EIF4G3: variants seen among roughly 807,000 people sequenced by gnomAD.
The protein encoded by EIF4G3 is eukaryotic translation initiation factor 4 gamma 3, also known as eIF-4-gamma 3.
Under a neutral mutation model 186.4 loss-of-function variants are expected in EIF4G3, and 34 were observed. That is an observed-to-expected ratio of 0.18 (90% CI 0.14 to 0.24). The LOEUF (loss-of-function observed/expected upper bound fraction) is 0.24, where lower values mean the gene tolerates loss of function less well. Ranked by LOEUF, EIF4G3 falls within the 10% of genes least tolerant of loss-of-function variation. EIF4G3 has a pLI of 1.00. For synonymous variants in EIF4G3, 673 were observed against 679.5 expected (o/e 0.99, Z 0.15); for missense variants, 1,536 against 1,948.5 (o/e 0.79, Z 3.99).
chr1:20,934,481 C>G (rs1480406156), intron 14 of EIF4G3, among the ~76,000 whole-genome samples: 2 of 151,786 alleles, frequency 1.3e-5, no homozygotes, highest in Non-Finnish European at 2.9e-5. Flanking sequence ...TCAATATAGC[C>G]AGGTTTGTAA....
At chr1:20,998,396 T>C (rs1318656928) in intron 6 of EIF4G3, among the ~76,000 whole-genome samples, 2 of 152,088 alleles carry the variant, frequency 1.3e-5, no homozygotes, top group African/African-American at 4.8e-5. Context: ...ATAAGTCAAA[T>C]CTCTTAATTA....
At chr1:20,908,106 T>C (rs1252926263) in intron 14 of EIF4G3, among the ~76,000 whole-genome samples, 1 of 152,238 alleles carries the variant, frequency 6.6e-6, no homozygotes, top group African/African-American at 2.4e-5. Context: ...TGAGATAGTA[T>C]CTCATTGTGG....
At chr1:20,851,564 C>T in intron 27 of EIF4G3, 86 bp from the exon 28 acceptor site, 1 of 1,296,582 alleles carries the variant, frequency 7.7e-7, no homozygotes, top group South Asian at 1.3e-5. Context: ...CTAAGACTTT[C>T]TGAAAGTATA....
At chr1:21,121,041 T>C (rs148098267) in intron 2 of EIF4G3, among the ~76,000 whole-genome samples, 182 of 152,170 alleles carry the variant, frequency 1.2e-3, no homozygotes, top group African/African-American at 4.2e-3. Context: ...CACCTCAGCC[T>C]CCAAGTAGGT....
chr1:20,893,946 T>C (rs912887287), intron 17 of EIF4G3, among the ~76,000 whole-genome samples: 1 of 150,088 alleles, frequency 6.7e-6, no homozygotes, highest in Non-Finnish European at 1.5e-5. Context: ...GACAAGATAT[T>C]TTGAGATCCT....
intron 4 of EIF4G3, among the ~76,000 whole-genome samples, chr1:21,034,524 TA>T (rs2093017553): frequency 6.6e-6 from 1 of 152,238 alleles, no homozygotes; most frequent in Non-Finnish European, 1.5e-5. Context: ...AACCAAACTC[TA>T]AAAATATTTA....
At chr1:21,142,397 C>T (rs1236929215) in intron 2 of EIF4G3, among the ~76,000 whole-genome samples, 1 of 151,946 alleles carries the variant, frequency 6.6e-6, no homozygotes, top group Non-Finnish European at 1.5e-5. Flanking sequence ...GTCCCAGCTA[C>T]TCAGGAGGCT....
intron 23 of EIF4G3, 29 bp from the exon 24 acceptor site, chr1:20,860,546 C>A (rs2154551759): frequency 6.3e-7 from 1 of 1,589,076 alleles, no homozygotes. Context: ...AGGTTATCTG[C>A]CAGATAAACT....
At chr1:20,936,745 T>C (rs1258930005) in intron 14 of EIF4G3, among the ~76,000 whole-genome samples, 3 of 152,134 alleles carry the variant, frequency 2.0e-5, no homozygotes, top group Non-Finnish European at 4.4e-5. Flanking sequence ...AAAGCAAGGG[T>C]TGTTATTAAA....
At chr1:21,175,167 G>T (rs990623363) in intron 2 of EIF4G3, 4 of 152,000 alleles carry the variant, frequency 2.6e-5, no homozygotes, top group Admixed American at 2.0e-4. Flanking sequence ...GGTGTAGGGA[G>T]GAGGTGATGC....
intron 13 of EIF4G3, among the ~76,000 whole-genome samples, chr1:20,943,647 T>C (rs1435549978): frequency 2.6e-5 from 4 of 152,214 alleles, no homozygotes; most frequent in Non-Finnish European, 5.9e-5. Context: ...CTGAGACTAC[T>C]TTCTCCAACA....
Position 21,032,288 on chromosome 1 carries a change from T to C in EIF4G3, c.-67+18578A>G, listed in dbSNP as rs188182036. 4.1e-3 allele frequency among the ~76,000 whole-genome samples: 629 copies of C among 152,280 alleles called. 3 individuals carry two copies. The highest frequency in any genetic ancestry group is 5.7e-3 in the Non-Finnish European group (390 of 68,002). ...AAAGGTGAAAAATAGTAATTATTAG[T>C]TATCTTTGGCAGAACTATTCATTCC... On this transcript the variant is annotated intron_variant, in intron 4 of 36. Coordinates refer to ENST00000602326, the MANE Select transcript of EIF4G3 (RefSeq NM_001391906.1).
At chr1:20,981,253 T>A (rs1430402421) in intron 8 of EIF4G3, 26 bp from the exon 9 acceptor site, 15 of 1,479,436 alleles carry the variant, frequency 1.0e-5, no homozygotes, top group East Asian at 2.4e-5. Flanking sequence ...AAAAAAAATT[T>A]TTTTTTTTTT....
rs1220440467 is a variant in EIF4G3, at chr1:21,050,858, T to C, written c.-67+8A>G. 1.4e-6 allele frequency: 1 copy of C among 693,396 alleles called. No homozygotes were observed. The highest frequency in any genetic ancestry group is 2.3e-4 in the Middle Eastern group (1 of 4,314). The allele number at this position is 693,396 out of a possible 1,614,324, so 43.0% of individuals were successfully genotyped here. A position where few individuals can be genotyped will look rare whatever the true frequency, so the allele number is the denominator to read the frequency against. On this transcript the variant is annotated splice_region_variant and intron_variant, in intron 4 of 36. Coordinates refer to ENST00000602326, the MANE Select transcript of EIF4G3 (RefSeq NM_001391906.1). ...ATTTCTTATTTTTTTAAAAAAGGTT[T>C]ATCTTACTTGAGAGAGTCCAGGGGA...
At chr1:20,895,579 A>T in intron 16 of EIF4G3, 78 bp from the exon 17 acceptor site, 1 of 1,463,522 alleles carries the variant, frequency 6.8e-7, no homozygotes, top group Non-Finnish European at 9.4e-7. Flanking sequence ...TGTTTCGATC[A>T]ATAACAAACT....
intron 4 of EIF4G3, among the ~76,000 whole-genome samples, chr1:21,009,932 C>A (rs1385322005): frequency 1.3e-5 from 2 of 151,902 alleles, no homozygotes; most frequent in Admixed American, 6.6e-5. Flanking sequence ...GGATTACAGA[C>A]GTGAGCCACC....
chr1:21,057,823 A>G (rs1488931326), intron 3 of EIF4G3, among the ~76,000 whole-genome samples: 1 of 151,898 alleles, frequency 6.6e-6, no homozygotes, highest in Non-Finnish European at 1.5e-5. Context: ...TGCTGCAAGA[A>G]AGAAAAGCTC....
At chr1:20,817,250 A>T (rs988861806) in intron 34 of EIF4G3, 142 bp downstream of exon 34, 20 of 301,374 alleles carry the variant, frequency 6.6e-5, no homozygotes, top group South Asian at 4.2e-4. Context: ...TAAAAAAAAA[A>T]AATAAATAAA....
rs1183186664 is a variant in EIF4G3, at chr1:20,997,596, A to G, written c.177+5T>C. 11 of 1,549,718 alleles carry G rather than the reference A, an allele frequency of 7.1e-6. No homozygotes were observed. Among genetic ancestry groups the G allele is most frequent in the Non-Finnish European group, 9.6e-6 (11 of 1,146,598 alleles). On this transcript the variant is annotated splice_donor_5th_base_variant and intron_variant, in intron 7 of 36. Coordinates refer to ENST00000602326, the MANE Select transcript of EIF4G3 (RefSeq NM_001391906.1). ...GGTGATAGTGAAGGGGCAAGGGTAC[A>G]GTACCTGATGATGGGGAGGTCGAGG...
Sources: allele counts gnomAD v4.1 joint callset (sites outside exome capture counted in the v4.1 genomes callset), GRCh38; gene constraint gnomAD v4.1.1; transcripts MANE v1.5; gene names NCBI Gene and HGNC (gene_info 2026-07-23, HGNC 2026-07-21).